Variants in ARID4A observed in about 807,000 individuals in gnomAD.
ARID4A encodes AT-rich interactive domain-containing protein 4A.
A neutral mutation model predicts 148.6 loss-of-function variants in ARID4A; 39 were observed. The ratio of observed to expected loss-of-function variants is 0.26; its 90% CI spans 0.20 to 0.34. The LOEUF is 0.34. ARID4A is among the 10% of genes least tolerant of loss of function. The pLI, the probability that ARID4A is intolerant of heterozygous loss-of-function variation, is 1.00. For synonymous variants in ARID4A, 475 were observed against 481.2 expected (o/e 0.99, Z 0.17); for missense variants, 1,265 against 1,449.1 (o/e 0.87, Z 2.06).
At chr14:58,343,359 C>T (rs2034206344) in intron 11 of ARID4A, among the ~76,000 whole-genome samples, 1 of 152,182 alleles carries the variant, frequency 6.6e-6, no homozygotes, top group South Asian at 2.1e-4. Flanking sequence ...CTCCCTTTCT[C>T]TTGATTGCCT....
intron 14 of ARID4A, 54 bp downstream of exon 14, chr14:58,347,171 C>A: frequency 2.0e-6 from 2 of 1,018,130 alleles, no homozygotes; most frequent in Non-Finnish European, 2.8e-6. Context: ...AAATATTTTC[C>A]ATTTACTTTG....
rs1199256622 is a variant in ARID4A at position 58,328,223 on chromosome 14, A to AT, written c.583-10dup. 5 of 1,558,444 alleles carry AT rather than the reference A, an allele frequency of 3.2e-6. No homozygotes were observed. The highest frequency in any genetic ancestry group is 4.4e-6 in the Non-Finnish European group (5 of 1,131,068). ...AGGAAATAGGAATCAATCTGTTCTT[A>AT]TTTTATATTTCAGGTAATATCTCCC... On this transcript the variant is annotated splice_polypyrimidine_tract_variant and intron_variant, in intron 8 of 23. Coordinates refer to ENST00000355431, the MANE Select transcript of ARID4A (RefSeq NM_002892.4).
chr14:58,326,430 C>CT (rs1385164241), intron 8 of ARID4A, among the ~76,000 whole-genome samples: 5 of 152,146 alleles, frequency 3.3e-5, no homozygotes, highest in Non-Finnish European at 7.4e-5. Flanking sequence ...AAGCAAGACT[C>CT]TGTCTCAGAA....
chr14:58,330,732 AT>A (rs2033474139), intron 11 of ARID4A, among the ~76,000 whole-genome samples: 1 of 152,224 alleles, frequency 6.6e-6, no homozygotes, highest in African/African-American at 2.4e-5. Context: ...TCATTTGGCA[AT>A]TTGATAAATC....
intron 11 of ARID4A, among the ~76,000 whole-genome samples, chr14:58,330,422 G>C (rs1362985439): frequency 6.6e-6 from 1 of 151,958 alleles, no homozygotes; most frequent in Non-Finnish European, 1.5e-5. Flanking sequence ...TGGTTTTTTT[G>C]GGGTCTTTTC....
rs2035696927 is a variant in ARID4A, at chr14:58,373,746, TTA to T, written c.*1758_*1759del. On this transcript the variant is annotated 3_prime_UTR_variant, in exon 24 of 24. Coordinates refer to ENST00000355431, the MANE Select transcript of ARID4A (RefSeq NM_002892.4). ...TGTTTTAAACATAGGCTTTATACTT[TTA>T]GTTTTCATTTAAGTGATTGCTTTTT... 1 of 167,260 alleles carries T rather than the reference TTA, an allele frequency of 6.0e-6. No homozygotes were observed. The highest frequency in any genetic ancestry group is 1.3e-5 in the Non-Finnish European group (1 of 76,654). 10.4% of individuals were successfully genotyped at this position (167,260 alleles called of 1,614,324 possible).
Position 58,366,208 on chromosome 14 carries a change from A to G in ARID4A, c.3501A>G (p.Thr1167=), listed in dbSNP as rs942244708. 1.2e-6 allele frequency: 2 copies of G among 1,613,460 alleles called. No homozygotes were observed. Among genetic ancestry groups the G allele is most frequent in the Non-Finnish European group, 1.7e-6 (2 of 1,179,504 alleles). Residue 1167 remains threonine (T), a synonymous_variant, in exon 22 of 24, where the codon ACA becomes ACG. Coordinates refer to ENST00000355431, the MANE Select transcript of ARID4A (RefSeq NM_002892.4). ...AACATCCGAATTCATCCCCTAGGAC[A>G]TATAAATGGAGCTTTCAGCTCAGTA... is the stretch of plus-strand genomic sequence containing the variant. ...REKHPNSSPR[T]YKWSFQLNEL...
At chr14:58,303,109 T>C (rs961818735) in intron 3 of ARID4A, among the ~76,000 whole-genome samples, 2 of 152,222 alleles carry the variant, frequency 1.3e-5, no homozygotes, top group Non-Finnish European at 2.9e-5. Flanking sequence ...TAAACATTTT[T>C]AACATTATAG....
chr14:58,365,702 G>C, intron 21 of ARID4A, 80 bp downstream of exon 21: 2 of 1,212,146 alleles, frequency 1.6e-6, no homozygotes, highest in South Asian at 2.7e-5. Context: ...CATAAATGGA[G>C]CAATACTATA....
chr14:58,300,503 A>G (rs1440386206), intron 2 of ARID4A, among the ~76,000 whole-genome samples: 2 of 152,172 alleles, frequency 1.3e-5, no homozygotes, highest in African/African-American at 2.4e-5. Context: ...TTGTTTGCCA[A>G]AAGCATTCCT....
chr14:58,363,627 C>T (rs766695476), intron 19 of ARID4A, among the ~76,000 whole-genome samples: 147 of 151,906 alleles, frequency 9.7e-4, no homozygotes, highest in African/African-American at 2.6e-3. Context: ...ATCCAGGAGG[C>T]GGAGCTTGCA....
At chr14:58,299,893 G>T in intron 2 of ARID4A, 33 bp downstream of exon 2, 1 of 1,614,040 alleles carries the variant, frequency 6.2e-7, no homozygotes, top group Non-Finnish European at 8.5e-7. Flanking sequence ...CGATCCTCGC[G>T]CCCTGAACAC....
intron 7 of ARID4A, among the ~76,000 whole-genome samples, chr14:58,321,614 C>A (rs1340609420): frequency 6.6e-6 from 1 of 151,906 alleles, no homozygotes; most frequent in Non-Finnish European, 1.5e-5. Context: ...ATTTAGAAAC[C>A]AAGATCCTGG....
intron 11 of ARID4A, among the ~76,000 whole-genome samples, chr14:58,336,043 T>C (rs1455550393): frequency 6.6e-6 from 1 of 152,074 alleles, no homozygotes; most frequent in African/African-American, 2.4e-5. Flanking sequence ...ACTGAAAATA[T>C]ATATGTGATT....
intron 23 of ARID4A, among the ~76,000 whole-genome samples, chr14:58,370,300 A>C (rs1004539742): frequency 1.3e-5 from 2 of 152,168 alleles, no homozygotes; most frequent in East Asian, 3.9e-4. Flanking sequence ...AATTAAAAAG[A>C]TTTTCTTTTT....
At chr14:58,343,760 G>T (rs1465324965) in intron 11 of ARID4A, among the ~76,000 whole-genome samples, 2 of 151,902 alleles carry the variant, frequency 1.3e-5, no homozygotes, top group Non-Finnish European at 2.9e-5. Context: ...AACCCAGGAG[G>T]CAGAGGCTGC....
rs1312259532 is a variant in ARID4A, at chr14:58,366,542, T to G, written c.3523+312T>G. 2.6e-5 allele frequency among the ~76,000 whole-genome samples: 4 copies of G among 152,184 alleles called. No homozygotes were observed. In the East Asian group the frequency reaches 5.8e-4, roughly 22 times the overall value. ...AGAAATAGCCAGTAGTTATTTCTAT[T>G]ATGTAACTAGTAGTAGTGAAGAAAA... is the stretch of plus-strand genomic sequence containing the variant. On this transcript the variant is annotated intron_variant, in intron 22 of 23. Coordinates refer to ENST00000355431, the MANE Select transcript of ARID4A (RefSeq NM_002892.4).
intron 3 of ARID4A, among the ~76,000 whole-genome samples, chr14:58,304,111 A>G (rs1248097120): frequency 6.6e-6 from 1 of 151,752 alleles, no homozygotes; most frequent in Non-Finnish European, 1.5e-5. Flanking sequence ...TGTGATTTGT[A>G]GGTTAAATAG....
chr14:58,318,929 G>C (rs2032655959), intron 7 of ARID4A, 124 bp downstream of exon 7: 1 of 729,814 alleles, frequency 1.4e-6, no homozygotes, highest in East Asian at 2.7e-5. Flanking sequence ...CCTTATGTTA[G>C]ACATTTTACC....
Sources: gnomAD v4.1 joint callset for allele counts (sites outside exome capture counted in the v4.1 genomes callset) on GRCh38, gnomAD v4.1.1 for gene constraint, MANE v1.5 for transcripts, NCBI Gene and HGNC (gene_info 2026-07-23, HGNC 2026-07-21) for gene names.